CTNNA1: variants seen among roughly 807,000 people sequenced by gnomAD.
CTNNA1 encodes catenin alpha 1.
Under a neutral mutation model 98.4 loss-of-function variants are expected in CTNNA1, and 37 were observed. The observed-to-expected ratio is 0.38, with a 90% CI of 0.29 to 0.49. CTNNA1 has a LOEUF of 0.49. CTNNA1 is among the 20% of genes least tolerant of loss of function. The pLI, the probability that CTNNA1 is intolerant of heterozygous loss-of-function variation, is 0.95. For missense variants in CTNNA1, 761 were observed against 1,147.2 expected (o/e 0.66, Z 4.86); for synonymous variants, 404 against 413.2 (o/e 0.98, Z 0.27).
chr5:138,757,214 GAGGA>G (rs1023318460), intron 1 of CTNNA1, among the ~76,000 whole-genome samples: 5 of 151,830 alleles, frequency 3.3e-5, no homozygotes, highest in African/African-American at 9.7e-5. Flanking sequence ...GAAAAAAAGG[GAGGA>G]AGGGAGGGAG....
intron 7 of CTNNA1, among the ~76,000 whole-genome samples, chr5:138,859,893 G>A (rs1200552227): frequency 6.6e-6 from 1 of 152,182 alleles, no homozygotes; most frequent in Non-Finnish European, 1.5e-5. Flanking sequence ...GGGCAACAGA[G>A]CAAGACCCAG....
At position 138,920,111 on chromosome 5, in the gene CTNNA1, T is replaced by C. The variant is rs909122288; in HGVS notation, c.1546+2213T>C. On this transcript the variant is annotated intron_variant, in intron 11 of 17. Transcript: ENST00000302763. Reference sequence around the variant, plus strand: ...CTCCTGCCTCAGCCTCCCGAGTAGCTGGGATTACAGGTGCTTGCCACCATG... The same window carrying C: ...CTCCTGCCTCAGCCTCCCGAGTAGCCGGGATTACAGGTGCTTGCCACCATG... 3.3e-5 allele frequency among the ~76,000 whole-genome samples: 5 copies of C among 151,964 alleles called. No homozygotes were observed. In the East Asian group the frequency reaches 9.7e-4, roughly 29 times the overall value.
chr5:138,753,748 C>T, intron 1 of CTNNA1: 1 of 302,282 alleles, frequency 3.3e-6, no homozygotes, highest in Non-Finnish European at 6.1e-6. Flanking sequence ...ACGGCCGGCG[C>T]TTCCCAGCGC....
chr5:138,801,636 A>G (rs1757587507), intron 3 of CTNNA1, among the ~76,000 whole-genome samples: 1 of 152,194 alleles, frequency 6.6e-6, no homozygotes, highest in African/African-American at 2.4e-5. Context: ...ACTTCTTTCA[A>G]AGTCTGTTGG....
chr5:138,830,035 C>CG (rs2149791320), intron 7 of CTNNA1, among the ~76,000 whole-genome samples: 1 of 152,136 alleles, frequency 6.6e-6, no homozygotes, highest in South Asian at 2.1e-4. Context: ...GACATGGAGG[C>CG]GGGCGCCTGT....
rs546077369 is a variant in CTNNA1, at chr5:138,824,861, C to T, written c.858+62C>T. 2.6e-6 allele frequency: 4 copies of T among 1,522,096 alleles called. No individual in the cohort carries two copies. The East Asian group carries it at 9.1e-5, about 35-fold the overall frequency. The allele number at this position is 1,522,096 out of a possible 1,614,324, so 94.3% of individuals were successfully genotyped here. On this transcript the variant is annotated intron_variant, in intron 6 of 17. Transcript: ENST00000302763. ...CCATCCCCCAAAAGATAACAGATTTCTGGGGAAAAGTGATCAAGGCTTCTG... is the reference window on the plus strand; with the variant it reads ...CCATCCCCCAAAAGATAACAGATTTTTGGGGAAAAGTGATCAAGGCTTCTG...
intron 9 of CTNNA1, among the ~76,000 whole-genome samples, chr5:138,894,759 A>T (rs919547788): frequency 1.3e-5 from 2 of 152,154 alleles, no homozygotes; most frequent in African/African-American, 4.8e-5. Flanking sequence ...ATATTCAAAA[A>T]TCCAGATTCT....
intron 9 of CTNNA1, among the ~76,000 whole-genome samples, chr5:138,894,570 G>A (rs1756322043): frequency 6.6e-6 from 1 of 152,000 alleles, no homozygotes; most frequent in African/African-American, 2.4e-5. Context: ...ACTGCGCCTG[G>A]TCTACTTGGT....
At chr5:138,890,997 T>C (rs1755223596) in intron 9 of CTNNA1, among the ~76,000 whole-genome samples, 1 of 152,230 alleles carries the variant, frequency 6.6e-6, no homozygotes, top group South Asian at 2.1e-4. Context: ...CTTAGCATGC[T>C]GCAGAGTCAT....
At chr5:138,769,437 A>G (rs1051508991) in intron 1 of CTNNA1, among the ~76,000 whole-genome samples, 1 of 151,890 alleles carries the variant, frequency 6.6e-6, no homozygotes, top group African/African-American at 2.4e-5. Context: ...CGCCTAGGCT[A>G]GAGTGCAGTG....
intron 10 of CTNNA1, among the ~76,000 whole-genome samples, chr5:138,906,461 G>A (rs554101463): frequency 3.9e-5 from 6 of 152,214 alleles, no homozygotes; most frequent in Non-Finnish European, 7.4e-5. Context: ...CTTGAAAAGC[G>A]ACAATGCTTT....
At chr5:138,919,111 C>T (rs182644508) in intron 11 of CTNNA1, among the ~76,000 whole-genome samples, 5 of 152,280 alleles carry the variant, frequency 3.3e-5, no homozygotes, top group South Asian at 4.1e-4. Flanking sequence ...GGTGTTGGTA[C>T]TTTAAAACAA....
At chr5:138,759,409 C>T (rs1019731129) in intron 1 of CTNNA1, among the ~76,000 whole-genome samples, 7 of 152,154 alleles carry the variant, frequency 4.6e-5, no homozygotes, top group African/African-American at 9.7e-5. Context: ...TTCCTTATCT[C>T]CCCCGCACCC....
intron 6 of CTNNA1, among the ~76,000 whole-genome samples, chr5:138,827,097 A>T (rs1431068581): frequency 6.6e-6 from 1 of 152,192 alleles, no homozygotes; most frequent in South Asian, 2.1e-4. Flanking sequence ...TTATTTTTTA[A>T]TTTTTTTGTG....
At chr5:138,915,021 C>T (rs1459940608) in intron 10 of CTNNA1, among the ~76,000 whole-genome samples, 1 of 152,092 alleles carries the variant, frequency 6.6e-6, no homozygotes. Flanking sequence ...GTGGCGGGCG[C>T]CTGTAGTCCC....
intron 7 of CTNNA1, among the ~76,000 whole-genome samples, chr5:138,880,510 C>G (rs1449502175): frequency 6.6e-6 from 1 of 152,194 alleles, no homozygotes; most frequent in East Asian, 1.9e-4. Flanking sequence ...TTTTAAAACT[C>G]TTCTTCTGCT....
chr5:138,861,695 C>T (rs914246966), intron 7 of CTNNA1, among the ~76,000 whole-genome samples: 3 of 152,130 alleles, frequency 2.0e-5, no homozygotes, highest in African/African-American at 4.8e-5. Flanking sequence ...AAAAAGGGTA[C>T]GTCTTAAATG....
intron 7 of CTNNA1, among the ~76,000 whole-genome samples, chr5:138,858,829 C>G (rs1215216538): frequency 6.6e-6 from 1 of 152,168 alleles, no homozygotes; most frequent in Non-Finnish European, 1.5e-5. Flanking sequence ...GAACTCCTGA[C>G]CTCAAGTGAT....
intron 10 of CTNNA1, among the ~76,000 whole-genome samples, chr5:138,907,482 C>T (rs1759523569): frequency 6.6e-6 from 1 of 152,182 alleles, no homozygotes; most frequent in South Asian, 2.1e-4. Context: ...GTGTTTCATG[C>T]TCAGAGGATC....
Sources: gnomAD v4.1 joint callset for allele counts (sites outside exome capture counted in the v4.1 genomes callset) on GRCh38, gnomAD v4.1.1 for gene constraint, MANE v1.5 for transcripts, NCBI Gene and HGNC (gene_info 2026-07-23, HGNC 2026-07-21) for gene names.